The following EEPD1 variants were observed in gnomAD, a reference collection of about 807,000 sequenced individuals.
EEPD1 encodes endonuclease/exonuclease/phosphatase family domain-containing protein 1.
Under a neutral mutation model 46.3 loss-of-function variants are expected in EEPD1, and 17 were observed. That is an observed-to-expected ratio of 0.37 (90% CI 0.25 to 0.55). EEPD1 has a LOEUF of 0.55. Ranked by LOEUF, EEPD1 falls within the 20% of genes least tolerant of loss-of-function variation. The pLI, the probability that EEPD1 is intolerant of heterozygous loss-of-function variation, is 0.83. For missense variants in EEPD1, 673 were observed against 745.6 expected, an observed-to-expected ratio of 0.90 and a Z score of 1.13; for synonymous variants, 313 against 315.6, an observed-to-expected ratio of 0.99 and a Z score of 0.09.
chr7:36,280,531 A>G (rs1787245000), intron 3 of EEPD1, among the ~76,000 whole-genome samples: 1 of 152,234 alleles, frequency 6.6e-6, no homozygotes, highest in Non-Finnish European at 1.5e-5. Context: ...CCTCAGTGAC[A>G]GTCACTTTAC....
rs760771103 is a variant in EEPD1 at position 36,253,205 on chromosome 7, G to A, written c.930+14169G>A. ...TCCCTTGTGATTTCTCCCTTGACCC[G>A]TTGGTTATTTACAAGTGTATTATTT... is the stretch of plus-strand genomic sequence containing the variant. On this transcript the variant is annotated intron_variant, in intron 3 of 7. Coordinates refer to ENST00000242108, the MANE Select transcript of EEPD1 (RefSeq NM_030636.3). Among the ~76,000 whole-genome samples the A allele has an allele frequency of 1.8e-4, 27 of 152,082 alleles. No homozygotes were observed. In the East Asian group the frequency reaches 3.5e-3, roughly 20 times the overall value.
rs146369485 is a variant in EEPD1, at chr7:36,283,280, C to T, written c.1042-1406C>T. On this transcript the variant is annotated intron_variant, in intron 4 of 7. Transcript: ENST00000242108. ...GCTCCCAGGAGGGGCAAGAAACCAG[C>T]GGTGGAAGGAGCAGCACGCAGGGAA... Among the ~76,000 whole-genome samples, 375 of 152,260 alleles carry T rather than the reference C, an allele frequency of 2.5e-3. 2 individuals carry two copies. The highest frequency in any genetic ancestry group is 8.7e-3 in the African/African-American group (360 of 41,554).
intron 3 of EEPD1, among the ~76,000 whole-genome samples, chr7:36,246,939 G>A (rs145737472): frequency 0.025 from 3,780 of 151,980 alleles, 168 homozygotes; most frequent in African/African-American, 0.086. Context: ...CAGCCTGGCC[G>A]ATATGGTGAA....
intron 3 of EEPD1, among the ~76,000 whole-genome samples, chr7:36,248,675 T>C (rs1372776627): frequency 6.6e-6 from 1 of 152,104 alleles, no homozygotes; most frequent in East Asian, 1.9e-4. Context: ...TCAATATTCA[T>C]ATATTTGTAT....
intron 2 of EEPD1, among the ~76,000 whole-genome samples, chr7:36,165,688 C>T (rs561439224): frequency 4.0e-5 from 6 of 151,802 alleles, no homozygotes; most frequent in Admixed American, 3.3e-4. Flanking sequence ...CTGCCTGCCT[C>T]GGCTTCCCAA....
At chr7:36,212,984 C>G (rs1431690159) in intron 2 of EEPD1, among the ~76,000 whole-genome samples, 1 of 152,066 alleles carries the variant, frequency 6.6e-6, no homozygotes, top group African/African-American at 2.4e-5. Flanking sequence ...GAAACCCTGT[C>G]TCTACTAAAA....
chr7:36,234,747 C>A (rs1476261654), intron 2 of EEPD1, among the ~76,000 whole-genome samples: 3 of 151,950 alleles, frequency 2.0e-5, no homozygotes, highest in Non-Finnish European at 4.4e-5. Flanking sequence ...TATTTCTATT[C>A]CGTAGAACCT....
chr7:36,299,104 C>T lies in EEPD1; in HGVS notation c.1608C>T (p.Ala536=), dbSNP rs767527635. The T allele has an allele frequency of 1.9e-6, 3 of 1,611,534 alleles. No individual in the cohort carries two copies. The highest frequency in any genetic ancestry group is 2.5e-6 in the Non-Finnish European group (3 of 1,177,880). Residue 536 remains alanine, a synonymous_variant, in exon 8 of 8, where the codon GCC becomes GCT. Coordinates refer to ENST00000242108, the MANE Select transcript of EEPD1 (RefSeq NM_030636.3). ...CTTCTGAACACTGCCCAGTGCTAGC[C>T]GAGTTCTACACTGAAAAGGACTGGA... ...GVASEHCPVL[A]EFYTEKDWSK...
intron 2 of EEPD1, among the ~76,000 whole-genome samples, chr7:36,206,737 T>C (rs1785824575): frequency 6.6e-6 from 1 of 152,226 alleles, no homozygotes; most frequent in Non-Finnish European, 1.5e-5. Context: ...TTTGGTATGT[T>C]TTCCTGTGCA....
chr7:36,158,875 G>T (rs1197691402), intron 2 of EEPD1, among the ~76,000 whole-genome samples: 1 of 152,156 alleles, frequency 6.6e-6, no homozygotes, highest in African/African-American at 2.4e-5. Context: ...AAACCCTAAG[G>T]GAGCTGAAAG....
chr7:36,153,986 C>T (rs1384198407), intron 1 of EEPD1, 147 bp from the exon 2 acceptor site: 3 of 360,926 alleles, frequency 8.3e-6, no homozygotes, highest in Admixed American at 4.5e-5. Context: ...TCCACATGGG[C>T]CTAGCCTCAT....
chr7:36,238,776 A>T (rs1464572414), intron 2 of EEPD1, among the ~76,000 whole-genome samples: 1 of 152,222 alleles, frequency 6.6e-6, no homozygotes, highest in African/African-American at 2.4e-5. Flanking sequence ...TTGCTGGATC[A>T]TATGGTAAAA....
At chr7:36,297,269 C>A in intron 7 of EEPD1, 82 bp downstream of exon 7, 1 of 1,468,622 alleles carries the variant, frequency 6.8e-7, no homozygotes, top group African/African-American at 1.4e-5. Context: ...AGTCATCTCA[C>A]CTCCTCTGAG....
intron 2 of EEPD1, among the ~76,000 whole-genome samples, chr7:36,221,247 C>T (rs1419232729): frequency 2.0e-5 from 3 of 152,294 alleles, no homozygotes; most frequent in African/African-American, 7.2e-5. Flanking sequence ...GAGCTCTGTT[C>T]CGTATCATCT....
intron 3 of EEPD1, among the ~76,000 whole-genome samples, chr7:36,248,523 T>C (rs1282618190): frequency 6.6e-6 from 1 of 151,410 alleles, no homozygotes; most frequent in African/African-American, 2.4e-5. Context: ...TCTTTTTTTT[T>C]TTTTTTTTTT....
chr7:36,245,016 G>A (rs1562700381), intron 3 of EEPD1, among the ~76,000 whole-genome samples: 2 of 151,870 alleles, frequency 1.3e-5, no homozygotes, highest in Admixed American at 6.6e-5. Context: ...TATGATCTCG[G>A]CTCACTGCAA....
chr7:36,219,532 G>A lies in EEPD1; in HGVS notation c.879-19453G>A, dbSNP rs114698849. Among the ~76,000 whole-genome samples, 1,240 of 141,716 alleles carry A rather than the reference G, an allele frequency of 8.7e-3. 15 individuals carry two copies. The highest frequency in any genetic ancestry group is 0.031 in the African/African-American group (1,171 of 37,600). 93.0% of individuals were successfully genotyped at this position (141,716 alleles called of 152,430 possible). ...GAAGGAAGGAAGGAAAGAAAGGAAA[G>A]GAAGGAAAGGAAGGAAGGAGAGGGG... On this transcript the variant is annotated intron_variant, in intron 2 of 7. Transcript: ENST00000242108.
chr7:36,222,607 T>C (rs948794748), intron 2 of EEPD1, among the ~76,000 whole-genome samples: 3 of 152,202 alleles, frequency 2.0e-5, no homozygotes, highest in African/African-American at 7.2e-5. Flanking sequence ...CAAAATACTA[T>C]ATACTGGGTG....
chr7:36,219,571 G>T (rs184440690), intron 2 of EEPD1, among the ~76,000 whole-genome samples: 1 of 144,452 alleles, frequency 6.9e-6, no homozygotes, highest in African/African-American at 2.6e-5. Flanking sequence ...GGAGGGGAGA[G>T]AGAAGGAAAG....
Sources: allele counts gnomAD v4.1 joint callset (sites outside exome capture counted in the v4.1 genomes callset), GRCh38; gene constraint gnomAD v4.1.1; transcripts MANE v1.5; gene names NCBI Gene and HGNC (gene_info 2026-07-23, HGNC 2026-07-21).